The following MYO3A variants were observed in gnomAD, a reference collection of about 807,000 sequenced individuals.
The protein encoded by MYO3A is myosin-IIIa.
In MYO3A, 180 loss-of-function variants were observed where a neutral mutation model predicts 192.7. The observed-to-expected ratio is 0.93, with a 90% CI of 0.83 to 1.06. The LOEUF is 1.06. Among genes scored for constraint, MYO3A ranks in the 50% least tolerant of loss-of-function variants. MYO3A has a pLI of 0.00. For synonymous variants in MYO3A, 628 were observed against 645.3 expected (o/e 0.97, Z 0.41); for missense variants, 1,896 against 1,905.0 (o/e 1.00, Z 0.09).
At chr10:26,166,862 G>C (rs1841780308) in intron 27 of MYO3A, among the ~76,000 whole-genome samples, 1 of 152,100 alleles carries the variant, frequency 6.6e-6, no homozygotes, top group Admixed American at 6.6e-5. Context: ...TTATATATTA[G>C]CTTGCAGAAC....
At chr10:26,085,073 G>A (rs1471403996) in intron 14 of MYO3A, among the ~76,000 whole-genome samples, 2 of 151,946 alleles carry the variant, frequency 1.3e-5, no homozygotes, top group Non-Finnish European at 2.9e-5. Flanking sequence ...TAGTCCCTAT[G>A]ATCCTTTTTA....
intron 4 of MYO3A, among the ~76,000 whole-genome samples, chr10:25,980,253 CA>C (rs1183032939): frequency 6.7e-6 from 1 of 148,422 alleles, no homozygotes; most frequent in East Asian, 2.0e-4. Flanking sequence ...AAAAAAAAAG[CA>C]AAAAACCCCA....
intron 17 of MYO3A, among the ~76,000 whole-genome samples, chr10:26,113,242 G>A (rs941216003): frequency 6.6e-5 from 10 of 152,080 alleles, no homozygotes; most frequent in African/African-American, 2.2e-4. Context: ...AGACTGAGGC[G>A]GGCGGATTGC....
intron 10 of MYO3A, among the ~76,000 whole-genome samples, chr10:26,026,746 G>C (rs1175034952): frequency 2.0e-5 from 3 of 152,172 alleles, no homozygotes; most frequent in Non-Finnish European, 4.4e-5. Context: ...CTGTTGCCCA[G>C]GCTGGAGTGC....
At chr10:25,993,326 G>GT (rs777637798) in intron 4 of MYO3A, among the ~76,000 whole-genome samples, 5 of 152,152 alleles carry the variant, frequency 3.3e-5, no homozygotes, top group Admixed American at 1.3e-4. Context: ...TCTGATGGTA[G>GT]TTTGTATTTC....
intron 11 of MYO3A, among the ~76,000 whole-genome samples, chr10:26,068,119 G>T (rs1383493889): frequency 6.6e-6 from 1 of 152,062 alleles, no homozygotes. Flanking sequence ...TAATCATGTT[G>T]TTGACCAAGA....
At position 26,096,259 on chromosome 10, in the gene MYO3A, T is replaced by G. The variant is rs1052195749; in HGVS notation, c.1563-122T>G. On this transcript the variant is annotated intron_variant, in intron 15 of 34. Transcript: ENST00000642920. ...CAATAATGACCACAGAAAGCCAAAA[T>G]GCAGTATTCAGAAAAGCCCATATCA... is the stretch of plus-strand genomic sequence containing the variant. 42 of 710,582 alleles carry G rather than the reference T, an allele frequency of 5.9e-5. No homozygotes were observed. The South Asian group carries it at 7.1e-4, about 12-fold the overall frequency. 44.0% of individuals were successfully genotyped at this position (710,582 alleles called of 1,614,324 possible).
intron 20 of MYO3A, among the ~76,000 whole-genome samples, chr10:26,139,158 T>C (rs1261869024): frequency 6.6e-6 from 1 of 152,178 alleles, no homozygotes; most frequent in Non-Finnish European, 1.5e-5. Context: ...TCCCCCAAAA[T>C]CTATCCTCTT....
At position 26,212,268 on chromosome 10, in the gene MYO3A, C is replaced by T; in HGVS notation, c.*305C>T. 2.3e-6 allele frequency: 1 copy of T among 439,880 alleles called. No homozygotes were observed. The highest frequency in any genetic ancestry group is 4.0e-6 in the Non-Finnish European group (1 of 249,232). 27.2% of individuals were successfully genotyped at this position (439,880 alleles called of 1,614,324 possible). A position where few individuals can be genotyped will look rare whatever the true frequency, so the allele number is the denominator to read the frequency against. On this transcript the variant is annotated 3_prime_UTR_variant, in exon 35 of 35. Transcript: ENST00000642920. ...TGTTCCCCTAATCTATCACTTTGTTCTTTTTTTTTGTGACTCCTGTGGACT... is the reference window on the plus strand; with the variant it reads ...TGTTCCCCTAATCTATCACTTTGTTTTTTTTTTTTGTGACTCCTGTGGACT...
intron 14 of MYO3A, among the ~76,000 whole-genome samples, chr10:26,082,195 TAAC>T (rs895544189): frequency 5.3e-5 from 8 of 152,208 alleles, no homozygotes; most frequent in African/African-American, 1.4e-4. Context: ...ATGGATATTT[TAAC>T]AACATTAATT....
At chr10:26,113,476 C>CAAA (rs5783961) in intron 17 of MYO3A, among the ~76,000 whole-genome samples, 189 of 138,184 alleles carry the variant, frequency 1.4e-3, no homozygotes, top group Admixed American at 3.0e-3. Flanking sequence ...CTCAAAAAAA[C>CAAA]AAAAAAAAAA....
At chr10:26,067,260 A>C (rs1258155283) in intron 11 of MYO3A, among the ~76,000 whole-genome samples, 186 bp downstream of exon 11, 1 of 152,102 alleles carries the variant, frequency 6.6e-6, no homozygotes, top group African/African-American at 2.4e-5. Context: ...GCTTCCTATT[A>C]TTTCACTTAT....
At chr10:25,995,175 A>G (rs991941357) in intron 4 of MYO3A, among the ~76,000 whole-genome samples, 4 of 152,170 alleles carry the variant, frequency 2.6e-5, no homozygotes, top group Admixed American at 2.0e-4. Context: ...GTCTTTTCAC[A>G]TAGTCCCATG....
chr10:25,993,895 T>C (rs1299888279), intron 4 of MYO3A, among the ~76,000 whole-genome samples: 2 of 152,236 alleles, frequency 1.3e-5, no homozygotes, highest in African/African-American at 4.8e-5. Context: ...TTATTATTTC[T>C]GTTCTTTTAC....
At chr10:26,084,832 G>T (rs906772176) in intron 14 of MYO3A, among the ~76,000 whole-genome samples, 1 of 152,224 alleles carries the variant, frequency 6.6e-6, no homozygotes, top group Admixed American at 6.5e-5. Flanking sequence ...AAGAGTTTAA[G>T]AAGTATTGGT....
intron 23 of MYO3A, among the ~76,000 whole-genome samples, chr10:26,151,571 G>A (rs1298014248): frequency 6.6e-6 from 1 of 151,626 alleles, no homozygotes; most frequent in Admixed American, 6.6e-5. Context: ...TTCAAAGTAG[G>A]GTTTTTCTAA....
intron 6 of MYO3A, among the ~76,000 whole-genome samples, chr10:26,014,344 T>A (rs1440222988): frequency 1.3e-5 from 2 of 152,118 alleles, no homozygotes; most frequent in Non-Finnish European, 2.9e-5. Flanking sequence ...TTAGGCCTTT[T>A]AAAAATGTCA....
intron 26 of MYO3A, among the ~76,000 whole-genome samples, chr10:26,161,128 G>C (rs1378001461): frequency 2.6e-5 from 4 of 152,058 alleles, no homozygotes; most frequent in Admixed American, 6.6e-5. Context: ...GAAATAAAAG[G>C]CTAAACCTTT....
At chr10:25,959,678 C>T (rs552506447) in intron 4 of MYO3A, among the ~76,000 whole-genome samples, 6 of 152,124 alleles carry the variant, frequency 3.9e-5, no homozygotes, top group Admixed American at 3.9e-4. Flanking sequence ...GTTTCTTTCT[C>T]TGTTTGGCTC....
Sources: allele counts gnomAD v4.1 joint callset (sites outside exome capture counted in the v4.1 genomes callset), GRCh38; gene constraint gnomAD v4.1.1; transcripts MANE v1.5; gene names NCBI Gene and HGNC (gene_info 2026-07-23, HGNC 2026-07-21).